Variants in LYPLAL1 observed in about 807,000 individuals in gnomAD.
LYPLAL1 encodes the protein lysophospholipase like 1.
Under a neutral mutation model 19.7 loss-of-function variants are expected in LYPLAL1, and 23 were observed. The ratio of observed to expected loss-of-function variants is 1.17; its 90% CI spans 0.84 to 1.65. The LOEUF (loss-of-function observed/expected upper bound fraction) is 1.65. Among genes scored for constraint, LYPLAL1 ranks in the 40% most tolerant of loss-of-function variants. The pLI is 0.00. For missense variants in LYPLAL1, 355 were observed against 279.4 expected (o/e 1.27, Z -1.93); for synonymous variants, 119 against 96.3 (o/e 1.24, Z -1.38).
chr1:219,332,503 C>G, the LYPLAL1 span, among the ~76,000 whole-genome samples: 2 of 152,056 alleles, frequency 1.3e-5, no homozygotes, highest in Admixed American at 1.3e-4. Context: ...CTGTTTTAAG[C>G]CACTAAGTTT....
chr1:219,351,561 A>G, the LYPLAL1 span, among the ~76,000 whole-genome samples: 1 of 152,076 alleles, frequency 6.6e-6, no homozygotes, highest in African/African-American at 2.4e-5. Flanking sequence ...GAATGCCCTT[A>G]TGTTCACTTT....
At chr1:219,433,540 G>A in the LYPLAL1 span, among the ~76,000 whole-genome samples, 1 of 152,150 alleles carries the variant, frequency 6.6e-6, no homozygotes, top group African/African-American at 2.4e-5. Context: ...CAATATTAAG[G>A]GTAGTTATTC....
chr1:219,205,921 A>G (rs1194982093), intron 3 of LYPLAL1, among the ~76,000 whole-genome samples: 3 of 152,168 alleles, frequency 2.0e-5, no homozygotes, highest in African/African-American at 7.2e-5. Flanking sequence ...TGTTTATCCC[A>G]CAAGTTTTGT....
At chr1:219,233,300 C>T in the LYPLAL1 span, among the ~76,000 whole-genome samples, 1 of 152,030 alleles carries the variant, frequency 6.6e-6, no homozygotes, top group South Asian at 2.1e-4. Context: ...TAGAATAGTT[C>T]AACTCATAAA....
chr1:219,280,600 G>T, the LYPLAL1 span, among the ~76,000 whole-genome samples: 99 of 152,078 alleles, frequency 6.5e-4, 1 homozygote, highest in African/African-American at 2.3e-3. Context: ...TTTAGTCTAG[G>T]AAAAAGGGTA....
chr1:219,247,325 A>G, the LYPLAL1 span, among the ~76,000 whole-genome samples: 2 of 152,240 alleles, frequency 1.3e-5, no homozygotes, highest in Admixed American at 6.5e-5. Flanking sequence ...AAAAAGTGCA[A>G]TGCAAAAATC....
chr1:219,317,746 T>G, the LYPLAL1 span, among the ~76,000 whole-genome samples: 1 of 152,204 alleles, frequency 6.6e-6, no homozygotes, highest in Admixed American at 6.5e-5. Context: ...TTAATCCTGA[T>G]AGTATACTCC....
the LYPLAL1 span, among the ~76,000 whole-genome samples, chr1:219,346,047 A>T: frequency 6.6e-6 from 1 of 152,210 alleles, no homozygotes; most frequent in African/African-American, 2.4e-5. Flanking sequence ...AAGGGAGTCC[A>T]GGTATTACTG....
At chr1:219,292,430 A>T in the LYPLAL1 span, among the ~76,000 whole-genome samples, 48 of 152,200 alleles carry the variant, frequency 3.2e-4, no homozygotes, top group Non-Finnish European at 6.8e-4. Context: ...AGCCCAACTT[A>T]GTTAGGAAGA....
chr1:219,303,602 G>T, the LYPLAL1 span, among the ~76,000 whole-genome samples: 1 of 152,214 alleles, frequency 6.6e-6, no homozygotes, highest in Non-Finnish European at 1.5e-5. Flanking sequence ...CAGTGATGAA[G>T]TCTAGCAATT....
At chr1:219,251,565 T>C in the LYPLAL1 span, among the ~76,000 whole-genome samples, 1 of 152,100 alleles carries the variant, frequency 6.6e-6, no homozygotes, top group Non-Finnish European at 1.5e-5. Flanking sequence ...TTTTGTCAGC[T>C]TTGTCAAAGA....
chr1:219,297,504 A>C, the LYPLAL1 span, among the ~76,000 whole-genome samples: 7 of 152,198 alleles, frequency 4.6e-5, no homozygotes, highest in African/African-American at 1.7e-4. Context: ...AAATCCTGTG[A>C]ATAAAAAGTG....
chr1:219,399,365 G>A, the LYPLAL1 span, among the ~76,000 whole-genome samples: 2 of 152,196 alleles, frequency 1.3e-5, no homozygotes, highest in African/African-American at 2.4e-5. Flanking sequence ...CAAGGCCAGG[G>A]CACTGGTGGG....
chr1:219,291,283 T>C, the LYPLAL1 span, among the ~76,000 whole-genome samples: 1 of 152,214 alleles, frequency 6.6e-6, no homozygotes, highest in South Asian at 2.1e-4. Context: ...GATGCAGATA[T>C]AGTCAGTTTG....
intron 3 of LYPLAL1, 53 bp downstream of exon 3, chr1:219,193,304 A>C: frequency 1.4e-6 from 2 of 1,410,540 alleles, no homozygotes; most frequent in Non-Finnish European, 2.0e-6. Flanking sequence ...GTCTAATTCT[A>C]TACATCAAAT....
the LYPLAL1 span, among the ~76,000 whole-genome samples, chr1:219,409,310 G>A: frequency 1.3e-5 from 2 of 152,070 alleles, no homozygotes; most frequent in Non-Finnish European, 2.9e-5. Flanking sequence ...TTAGCCGGGT[G>A]TGGTGGCCCA....
At chr1:219,351,178 C>A in the LYPLAL1 span, among the ~76,000 whole-genome samples, 7 of 151,658 alleles carry the variant, frequency 4.6e-5, no homozygotes, top group Non-Finnish European at 7.4e-5. Context: ...TCAGACAGAA[C>A]ATATTGGACA....
chr1:219,297,149 G>A, the LYPLAL1 span, among the ~76,000 whole-genome samples: 1 of 152,146 alleles, frequency 6.6e-6, no homozygotes, highest in South Asian at 2.1e-4. Context: ...TTAGGAATGA[G>A]CTCACAATTG....
chr1:219,321,623 G>A, the LYPLAL1 span, among the ~76,000 whole-genome samples: 1 of 152,148 alleles, frequency 6.6e-6, no homozygotes, highest in Admixed American at 6.5e-5. Context: ...TTTGTAAAAG[G>A]TGTAAGGAAG....
Sources: gnomAD v4.1 joint callset for allele counts (sites outside exome capture counted in the v4.1 genomes callset) on GRCh38, gnomAD v4.1.1 for gene constraint, MANE v1.5 for transcripts, NCBI Gene and HGNC (gene_info 2026-07-23, HGNC 2026-07-21) for gene names.